ESYT2: variants seen among roughly 807,000 people sequenced by gnomAD.
ESYT2 encodes extended synaptotagmin-2.
Under a neutral mutation model 107.2 loss-of-function variants are expected in ESYT2, and 54 were observed. The ratio of observed to expected loss-of-function variants is 0.50; its 90% confidence interval spans 0.40 to 0.63. The LOEUF is 0.63. ESYT2 is among the 30% of genes least tolerant of loss of function. The pLI is 0.00. For synonymous variants in ESYT2, 491 were observed against 434.1 expected (o/e 1.13, Z -1.63); for missense variants, 1,020 against 1,094.5 (o/e 0.93, Z 0.96).
At chr7:158,758,036 G>C (rs932600062) in intron 13 of ESYT2, among the ~76,000 whole-genome samples, 2 of 152,178 alleles carry the variant, frequency 1.3e-5, no homozygotes, top group East Asian at 3.9e-4. Context: ...AATTGAAATT[G>C]TAACAGGTAA....
intron 4 of ESYT2, among the ~76,000 whole-genome samples, chr7:158,788,917 G>T (rs1328167157): frequency 2.0e-5 from 3 of 152,202 alleles, no homozygotes; most frequent in Non-Finnish European, 2.9e-5. Flanking sequence ...ACTAGAAACA[G>T]TGTATCTGTT....
chr7:158,808,806 T>TG (rs776994915), intron 1 of ESYT2, among the ~76,000 whole-genome samples: 1 of 138,276 alleles, frequency 7.2e-6, no homozygotes, highest in African/African-American at 2.7e-5. Flanking sequence ...CCATCTCTAC[T>TG]AAAAAAAAAA....
At chr7:158,815,276 C>T (rs6979224) in intron 1 of ESYT2, among the ~76,000 whole-genome samples, 4,820 of 152,226 alleles carry the variant, frequency 0.032, 210 homozygotes, top group African/African-American at 0.1. Flanking sequence ...TGGGCTGAGT[C>T]CTCTTGGAAC....
chr7:158,748,433 A>T (rs1280359243), intron 15 of ESYT2, among the ~76,000 whole-genome samples, 153 bp from the exon 16 acceptor site: 1 of 152,232 alleles, frequency 6.6e-6, no homozygotes, highest in Non-Finnish European at 1.5e-5. Flanking sequence ...ATTCCAAGAC[A>T]TGTATTTGCA....
At chr7:158,781,692 G>C (rs1369097745) in intron 6 of ESYT2, among the ~76,000 whole-genome samples, 1 of 151,346 alleles carries the variant, frequency 6.6e-6, no homozygotes, top group Non-Finnish European at 1.5e-5. Context: ...TGAGAACAAA[G>C]TGTCAGAGGT....
chr7:158,770,137 C>T (rs963981475), intron 7 of ESYT2, among the ~76,000 whole-genome samples: 2 of 151,896 alleles, frequency 1.3e-5, no homozygotes, highest in African/African-American at 2.4e-5. Flanking sequence ...GCGATCCACC[C>T]GCCTCAGCCT....
chr7:158,780,893 G>C (rs924127822), intron 6 of ESYT2, among the ~76,000 whole-genome samples: 1 of 152,214 alleles, frequency 6.6e-6, no homozygotes, highest in African/African-American at 2.4e-5. Flanking sequence ...ATGACGGAGG[G>C]AGCAAGTGGA....
At chr7:158,736,569 G>A (rs1836959392) in intron 20 of ESYT2, among the ~76,000 whole-genome samples, 1 of 151,710 alleles carries the variant, frequency 6.6e-6, no homozygotes, top group Non-Finnish European at 1.5e-5. Context: ...CCACTAAAGA[G>A]ATGAGCAAAA....
intron 4 of ESYT2, among the ~76,000 whole-genome samples, chr7:158,789,603 A>G (rs555235937): frequency 6.6e-6 from 1 of 152,140 alleles, no homozygotes; most frequent in South Asian, 2.1e-4. Context: ...GGATCCACCC[A>G]CCTGGGCCTT....
chr7:158,782,837 C>A (rs1271402660), intron 6 of ESYT2, among the ~76,000 whole-genome samples: 1 of 151,692 alleles, frequency 6.6e-6, no homozygotes, highest in Non-Finnish European at 1.5e-5. Context: ...TGAGTGCGGA[C>A]AAGTGTGAAA....
intron 20 of ESYT2, among the ~76,000 whole-genome samples, chr7:158,736,798 C>A (rs1836971259): frequency 6.6e-6 from 1 of 152,106 alleles, no homozygotes; most frequent in Non-Finnish European, 1.5e-5. Context: ...CCATCAGTAA[C>A]CTGATCTTTA....
chr7:158,800,726 TTTC>T (rs745953312), intron 1 of ESYT2, among the ~76,000 whole-genome samples: 3 of 120,374 alleles, frequency 2.5e-5, no homozygotes, highest in Non-Finnish European at 3.7e-5. Context: ...TCTTTTTTCT[TTTC>T]TTTTCTTTTT....
At chr7:158,807,123 C>T (rs1478160038) in intron 1 of ESYT2, among the ~76,000 whole-genome samples, 6 of 151,666 alleles carry the variant, frequency 4.0e-5, no homozygotes, top group South Asian at 2.1e-4. Flanking sequence ...TGGTGGTGGG[C>T]GCCTGTAGTC....
At position 158,734,083 on chromosome 7, in the gene ESYT2, C is replaced by G; in HGVS notation, c.*124G>C. On this transcript the variant is annotated 3_prime_UTR_variant, in exon 23 of 23. Coordinates refer to ENST00000275418, the MANE Select transcript of ESYT2 (RefSeq NM_001367773.1). The stretch of plus-strand genomic sequence containing the variant: ...CTGAAATGTCAACAATTTTATAAAA[C>G]TATTAAGGTATGTATAACTAAATCC... 1 of 1,161,946 alleles carries G rather than the reference C, an allele frequency of 8.6e-7. No homozygotes were observed. Among genetic ancestry groups the G allele is most frequent in the Non-Finnish European group, 1.2e-6 (1 of 824,932 alleles). 72.0% of individuals were successfully genotyped at this position (1,161,946 alleles called of 1,614,324 possible). A position where few individuals can be genotyped will look rare whatever the true frequency, so the allele number is the denominator to read the frequency against.
intron 7 of ESYT2, among the ~76,000 whole-genome samples, chr7:158,769,645 G>A (rs1838285701): frequency 2.6e-5 from 4 of 152,150 alleles, no homozygotes; most frequent in Admixed American, 1.3e-4. Flanking sequence ...ACTCAGCTTA[G>A]AGACGCTTAT....
intron 14 of ESYT2, among the ~76,000 whole-genome samples, chr7:158,750,843 T>C (rs1837561489): frequency 6.6e-6 from 1 of 152,226 alleles, no homozygotes; most frequent in Non-Finnish European, 1.5e-5. Context: ...AACTAAGTTC[T>C]GGCCCCACAG....
intron 6 of ESYT2, among the ~76,000 whole-genome samples, chr7:158,780,689 G>C (rs1838746729): frequency 6.6e-6 from 1 of 152,256 alleles, no homozygotes; most frequent in African/African-American, 2.4e-5. Flanking sequence ...AAGTGCTACT[G>C]AAGTTCAGAG....
rs571829968 is a variant in ESYT2, at chr7:158,793,533, G to A, written c.584+117C>T. ...TTGGATGTCTAACAAGAATTTAGTC[G>A]AATTCCAATCAACAGCAGGTAAGAC... On this transcript the variant is annotated intron_variant, in intron 4 of 22. Transcript: ENST00000275418. 58 of 739,810 alleles carry A rather than the reference G, an allele frequency of 7.8e-5. No individual in the cohort carries two copies. In the East Asian group the frequency reaches 1.1e-3, roughly 15 times the overall value. The allele number at this position is 739,810 out of a possible 1,614,324, so 45.8% of individuals were successfully genotyped here.
intron 18 of ESYT2, among the ~76,000 whole-genome samples, chr7:158,740,334 A>T (rs1837147182): frequency 6.6e-6 from 1 of 152,242 alleles, no homozygotes; most frequent in African/African-American, 2.4e-5. Flanking sequence ...CAACCCTATA[A>T]GGATAAGGAA....
Sources: allele counts gnomAD v4.1 joint callset (sites outside exome capture counted in the v4.1 genomes callset), GRCh38; gene constraint gnomAD v4.1.1; transcripts MANE v1.5; gene names NCBI Gene and HGNC (gene_info 2026-07-23, HGNC 2026-07-21).